NPAS3: variants seen among roughly 807,000 people sequenced by gnomAD.
NPAS3 encodes neuronal PAS domain-containing protein 3.
A neutral mutation model predicts 73.1 loss-of-function variants in NPAS3; 14 were observed. The observed-to-expected ratio is 0.19, with a 90% CI of 0.13 to 0.30. The LOEUF (loss-of-function observed/expected upper bound fraction) is 0.30. Ranked by LOEUF, NPAS3 falls within the 10% of genes least tolerant of loss-of-function variation. The pLI is 1.00. For missense variants in NPAS3, 1,096 were observed against 1,250.0 expected (o/e 0.88, Z 1.86); for synonymous variants, 620 against 541.5 (o/e 1.14, Z -2.01).
At chr14:33,211,853 A>G (rs2047051135) in intron 2 of NPAS3, among the ~76,000 whole-genome samples, 2 of 152,166 alleles carry the variant, frequency 1.3e-5, no homozygotes, top group Non-Finnish European at 2.9e-5. Flanking sequence ...CTTTTCTGCT[A>G]TTCAAATCTA....
chr14:33,503,392 C>T (rs920875197), intron 4 of NPAS3, among the ~76,000 whole-genome samples: 2 of 151,704 alleles, frequency 1.3e-5, no homozygotes, highest in Non-Finnish European at 1.5e-5. Flanking sequence ...GTTTTAGGGA[C>T]GAAGATAATG....
chr14:33,328,467 T>C (rs1266213038), intron 3 of NPAS3, among the ~76,000 whole-genome samples: 20 of 74,714 alleles, frequency 2.7e-4, no homozygotes, highest in South Asian at 5.6e-4. Context: ...TTTTTTTTTT[T>C]TTTTTTTTTT....
chr14:33,655,972 A>G (rs2059134701), intron 5 of NPAS3, among the ~76,000 whole-genome samples: 1 of 152,204 alleles, frequency 6.6e-6, no homozygotes, highest in Non-Finnish European at 1.5e-5. Flanking sequence ...CATAGTCTAA[A>G]TAGGGACATT....
At chr14:33,624,821 T>C (rs1372049310) in intron 5 of NPAS3, among the ~76,000 whole-genome samples, 2 of 152,244 alleles carry the variant, frequency 1.3e-5, no homozygotes, top group African/African-American at 4.8e-5. Flanking sequence ...TTTGCGCATC[T>C]AGTTTATACA....
At chr14:33,057,402 A>G (rs543412282) in intron 2 of NPAS3, among the ~76,000 whole-genome samples, 5 of 152,154 alleles carry the variant, frequency 3.3e-5, no homozygotes, top group Non-Finnish European at 7.4e-5. Context: ...GATTTGTTGT[A>G]TACTTTGAAA....
At chr14:33,071,334 A>T (rs866096861) in intron 2 of NPAS3, among the ~76,000 whole-genome samples, 20 of 152,360 alleles carry the variant, frequency 1.3e-4, no homozygotes, top group African/African-American at 4.8e-4. Context: ...AAAGGCACAG[A>T]TAAAACATGA....
chr14:33,100,255 G>T (rs181460172), intron 2 of NPAS3, among the ~76,000 whole-genome samples: 2 of 152,090 alleles, frequency 1.3e-5, no homozygotes, highest in Admixed American at 6.5e-5. Context: ...GGTTTTTCTT[G>T]TGCTGAATAT....
chr14:33,793,988 T>G, exon 10 of NPAS3: 1 of 1,613,780 alleles, frequency 6.2e-7, no homozygotes. Context: ...CCACCATAGC[T>G]ATTAATGCCA....
chr14:33,007,099 T>C (rs2039027082), intron 1 of NPAS3, among the ~76,000 whole-genome samples: 1 of 152,234 alleles, frequency 6.6e-6, no homozygotes, highest in Non-Finnish European at 1.5e-5. Flanking sequence ...ATAATAGAGC[T>C]TGTCAGTGAA....
chr14:33,269,806 A>G (rs2040985518), intron 3 of NPAS3, among the ~76,000 whole-genome samples: 1 of 151,698 alleles, frequency 6.6e-6, no homozygotes, highest in East Asian at 1.9e-4. Context: ...CTAATAGGGA[A>G]GCAGGGAGGG....
chr14:33,004,319 T>C (rs1192654249), intron 1 of NPAS3, among the ~76,000 whole-genome samples: 1 of 152,226 alleles, frequency 6.6e-6, no homozygotes, highest in Non-Finnish European at 1.5e-5. Flanking sequence ...ATATATGGTA[T>C]AGCCTATTTC....
intron 1 of NPAS3, among the ~76,000 whole-genome samples, chr14:32,981,694 A>T (rs1279212): frequency 3.9e-4 from 60 of 152,148 alleles, no homozygotes; most frequent in African/African-American, 1.3e-3. Context: ...TATCACATAG[A>T]TGTGTCTCGA....
intron 2 of NPAS3, among the ~76,000 whole-genome samples, chr14:33,059,358 G>A (rs148323725): frequency 5.9e-4 from 90 of 152,226 alleles, no homozygotes; most frequent in Admixed American, 1.2e-3. Context: ...ATTTTAAAAC[G>A]TCTATAATTA....
chr14:33,758,275 A>G (rs1227965343), intron 7 of NPAS3, among the ~76,000 whole-genome samples: 5 of 152,176 alleles, frequency 3.3e-5, no homozygotes, highest in African/African-American at 9.7e-5. Context: ...GCTTTTGCTT[A>G]TAATAGTTCT....
intron 4 of NPAS3, among the ~76,000 whole-genome samples, chr14:33,522,310 G>C (rs1482485170): frequency 1.3e-5 from 2 of 151,806 alleles, no homozygotes; most frequent in African/African-American, 4.8e-5. Context: ...CCTTATTTTT[G>C]TGTTTTTTTA....
intron 2 of NPAS3, among the ~76,000 whole-genome samples, chr14:33,147,430 A>G (rs927755): frequency 0.042 from 6,321 of 152,214 alleles, 151 homozygotes; most frequent in Middle Eastern, 0.061. Context: ...TTAATGACAA[A>G]CTTGCTTTAT....
chr14:33,158,213 A>C (rs1317899518), intron 2 of NPAS3, among the ~76,000 whole-genome samples: 2 of 152,148 alleles, frequency 1.3e-5, no homozygotes, highest in African/African-American at 2.4e-5. Flanking sequence ...AACTCCTTAC[A>C]CTGGTATTAC....
intron 4 of NPAS3, among the ~76,000 whole-genome samples, chr14:33,391,640 A>AGT (rs2047010294): frequency 6.6e-6 from 1 of 152,216 alleles, no homozygotes; most frequent in African/African-American, 2.4e-5. Context: ...TGAAAGAGAG[A>AGT]GTGTGTGTGA....
chr14:33,173,479 G>A (rs2045471240), intron 2 of NPAS3, among the ~76,000 whole-genome samples: 1 of 151,978 alleles, frequency 6.6e-6, no homozygotes, highest in Non-Finnish European at 1.5e-5. Flanking sequence ...ATAAATCAAA[G>A]TTCACATGGT....
Sources: gnomAD v4.1 joint callset for allele counts (sites outside exome capture counted in the v4.1 genomes callset) on GRCh38, gnomAD v4.1.1 for gene constraint, MANE v1.5 for transcripts, NCBI Gene and HGNC (gene_info 2026-07-23, HGNC 2026-07-21) for gene names.